The following NDUFS4 variants were observed in gnomAD, a reference collection of about 807,000 sequenced individuals.
NDUFS4 encodes the protein NADH dehydrogenase [ubiquinone] iron-sulfur protein 4, mitochondrial.
In NDUFS4, 28 loss-of-function variants were observed where a neutral mutation model predicts 24.3. The ratio of observed to expected loss-of-function variants is 1.15; its 90% CI spans 0.85 to 1.58. NDUFS4 has a LOEUF of 1.58. NDUFS4 is among the 40% of genes most tolerant of loss of function. NDUFS4 has a pLI of 0.00. For missense variants in NDUFS4, 223 were observed against 207.9 expected (o/e 1.07, Z -0.45); for synonymous variants, 93 against 69.7 (o/e 1.34, Z -1.67).
intron 2 of NDUFS4, among the ~76,000 whole-genome samples, chr5:53,607,161 C>T (rs897086458): frequency 1.3e-5 from 2 of 152,132 alleles, no homozygotes; most frequent in Admixed American, 6.5e-5. Context: ...ATCTTTGGTA[C>T]ATGGCAGACA....
At position 53,604,868 on chromosome 5, in the gene NDUFS4, C is replaced by T. The variant is rs750146713; in HGVS notation, c.177+1338C>T. The T allele has an allele frequency of 7.5e-5, 34 of 456,156 alleles. 1 individual carries two copies. Among genetic ancestry groups the T allele is most frequent in the South Asian group, 2.2e-4 (14 of 64,578 alleles). The allele number at this position is 456,156 out of a possible 1,614,324, so 28.3% of individuals were successfully genotyped here. Reference sequence around the variant, plus strand: ...TTTAACTAATCCTGAGGACTTCATCCGGTCACCATCTACCTATTCTTCAAA... The same window carrying T: ...TTTAACTAATCCTGAGGACTTCATCTGGTCACCATCTACCTATTCTTCAAA... On this transcript the variant is annotated intron_variant, in intron 2 of 4. Transcript: ENST00000296684.
At chr5:53,672,721 A>G (rs954016758) in intron 4 of NDUFS4, among the ~76,000 whole-genome samples, 1 of 152,164 alleles carries the variant, frequency 6.6e-6, no homozygotes, top group Non-Finnish European at 1.5e-5. Flanking sequence ...AGGTGTAGCA[A>G]GAGTGTTAAT....
chr5:53,645,613 T>A (rs914791094), intron 2 of NDUFS4, among the ~76,000 whole-genome samples: 16 of 152,222 alleles, frequency 1.1e-4, no homozygotes, highest in African/African-American at 3.9e-4. Flanking sequence ...TTGGGATTAC[T>A]TTTGCAGAAT....
chr5:53,671,456 A>C (rs1360900822), intron 4 of NDUFS4, among the ~76,000 whole-genome samples: 3 of 152,190 alleles, frequency 2.0e-5, no homozygotes, highest in African/African-American at 7.2e-5. Flanking sequence ...GAAAATATAA[A>C]TACCCCTGAT....
chr5:53,633,606 G>A (rs571246134), intron 2 of NDUFS4, among the ~76,000 whole-genome samples: 9 of 152,136 alleles, frequency 5.9e-5, no homozygotes, highest in South Asian at 4.2e-4. Context: ...CTTCATTTCC[G>A]TATGAAGGCT....
intron 2 of NDUFS4, among the ~76,000 whole-genome samples, chr5:53,633,251 A>G (rs1269891643): frequency 1.3e-5 from 2 of 152,214 alleles, no homozygotes; most frequent in African/African-American, 4.8e-5. Flanking sequence ...CAAGACATGG[A>G]ACCCCACAAT....
At chr5:53,668,479 G>A (rs904855147) in intron 4 of NDUFS4, among the ~76,000 whole-genome samples, 2 of 151,772 alleles carry the variant, frequency 1.3e-5, no homozygotes, top group Non-Finnish European at 2.9e-5. Flanking sequence ...CGGGGCTGGA[G>A]ACAGAGTCTC....
chr5:53,683,089 G>C, intron 4 of NDUFS4, 29 bp from the exon 5 acceptor site: 1 of 1,419,656 alleles, frequency 7.0e-7, no homozygotes, highest in Non-Finnish European at 1.0e-6. Flanking sequence ...TTCTGTTTCT[G>C]TGGATTTGTC....
intron 3 of NDUFS4, 46 bp downstream of exon 3, chr5:53,646,451 A>G (rs367632555): frequency 3.2e-6 from 5 of 1,579,842 alleles, no homozygotes; most frequent in African/African-American, 1.4e-5. Context: ...ATCTTTTTCT[A>G]TGTAGATCTT....
At chr5:53,578,614 G>A (rs1749461380) in intron 1 of NDUFS4, among the ~76,000 whole-genome samples, 1 of 152,054 alleles carries the variant, frequency 6.6e-6, no homozygotes, top group Non-Finnish European at 1.5e-5. Context: ...TCCGTAAAAT[G>A]GACATAATAC....
chr5:53,667,513 G>C (rs532682536), intron 4 of NDUFS4, among the ~76,000 whole-genome samples: 1 of 151,942 alleles, frequency 6.6e-6, no homozygotes, highest in South Asian at 2.1e-4. Context: ...AGGTGGAGGT[G>C]GGGGATCTTT....
At chr5:53,586,798 C>T (rs1561344610) in intron 1 of NDUFS4, among the ~76,000 whole-genome samples, 1 of 152,044 alleles carries the variant, frequency 6.6e-6, no homozygotes, top group Non-Finnish European at 1.5e-5. Flanking sequence ...GCTGGAATTA[C>T]AGGCGTGAGC....
chr5:53,658,454 T>C, intron 3 of NDUFS4, 97 bp from the exon 4 acceptor site: 2 of 804,550 alleles, frequency 2.5e-6, no homozygotes, highest in African/African-American at 1.7e-5. Context: ...AATAATGTAC[T>C]TATTTGATTT....
At chr5:53,634,069 T>C (rs1464819716) in intron 2 of NDUFS4, among the ~76,000 whole-genome samples, 1 of 152,252 alleles carries the variant, frequency 6.6e-6, no homozygotes, top group African/African-American at 2.4e-5. Flanking sequence ...TATTGCTTAC[T>C]TAAGTGTTTC....
chr5:53,573,383 T>A (rs1207646070), intron 1 of NDUFS4, among the ~76,000 whole-genome samples: 2 of 152,164 alleles, frequency 1.3e-5, no homozygotes, highest in Non-Finnish European at 2.9e-5. Context: ...TTGCATTAAA[T>A]CTATAGATTA....
chr5:53,610,636 C>T (rs1750665610), intron 2 of NDUFS4, among the ~76,000 whole-genome samples: 1 of 152,036 alleles, frequency 6.6e-6, no homozygotes, highest in African/African-American at 2.4e-5. Context: ...ATAAACAAAA[C>T]CTTGGAGTCC....
chr5:53,589,191 C>T (rs1260634427), intron 1 of NDUFS4, among the ~76,000 whole-genome samples: 4 of 152,178 alleles, frequency 2.6e-5, no homozygotes, highest in Non-Finnish European at 5.9e-5. Flanking sequence ...AGCTGTAACA[C>T]TCCCAACCTC....
chr5:53,631,972 C>T lies in NDUFS4; in HGVS notation c.178-14261C>T, dbSNP rs138382799. ...CCTTGGCTAGGAAAGGGAAATTCCC[C>T]GACCCCTTGCACTTCCCTGGTAAGG... is the stretch of plus-strand genomic sequence containing the variant. On this transcript the variant is annotated intron_variant, in intron 2 of 4. Coordinates refer to ENST00000296684, the MANE Select transcript of NDUFS4 (RefSeq NM_002495.4). Among the ~76,000 whole-genome samples the T allele has an allele frequency of 7.3e-3, 1,116 of 152,242 alleles. 14 individuals are homozygous for T. Among genetic ancestry groups the T allele is most frequent in the African/African-American group, 0.026 (1,063 of 41,558 alleles).
chr5:53,679,847 G>GA (rs1172032767), intron 4 of NDUFS4, among the ~76,000 whole-genome samples: 3 of 152,096 alleles, frequency 2.0e-5, no homozygotes, highest in Non-Finnish European at 4.4e-5. Context: ...GGCAAGAAAA[G>GA]AATATGGAGG....
Sources: gnomAD v4.1 joint callset for allele counts (sites outside exome capture counted in the v4.1 genomes callset) on GRCh38, gnomAD v4.1.1 for gene constraint, MANE v1.5 for transcripts, NCBI Gene and HGNC (gene_info 2026-07-23, HGNC 2026-07-21) for gene names.